CNTN5: variants seen among roughly 807,000 people sequenced by gnomAD.
The protein encoded by CNTN5 is contactin 5.
CNTN5 carries 77 observed loss-of-function variants against 129.1 expected under a neutral mutation model. The observed-to-expected ratio is 0.60, with a 90% CI of 0.50 to 0.72. The LOEUF (loss-of-function observed/expected upper bound fraction) is 0.72, where lower values mean the gene tolerates loss of function less well. Among genes scored for constraint, CNTN5 ranks in the 30% least tolerant of loss-of-function variants. The probability of loss-of-function intolerance (pLI) is 0.00; values close to 1 mark genes in which losing one functional copy is unlikely to be tolerated. For synonymous variants in CNTN5, 509 were observed against 465.6 expected (o/e 1.09, Z -1.20); for missense variants, 1,478 against 1,328.8 (o/e 1.11, Z -1.75).
chr11:99,388,448 C>T (rs191129613), intron 2 of CNTN5, among the ~76,000 whole-genome samples: 25 of 147,688 alleles, frequency 1.7e-4, no homozygotes, highest in Non-Finnish European at 3.1e-4. Context: ...TTCACAGCTC[C>T]TGTATTTCTC....
At chr11:99,720,409 C>CTAAAG (rs1453468891) in intron 3 of CNTN5, among the ~76,000 whole-genome samples, 3 of 151,580 alleles carry the variant, frequency 2.0e-5, no homozygotes, top group Non-Finnish European at 4.4e-5. Context: ...AGACAAAAAA[C>CTAAAG]ACATGATTAT....
At chr11:100,112,265 G>A (rs1945680194) in intron 13 of CNTN5, among the ~76,000 whole-genome samples, 2 of 152,100 alleles carry the variant, frequency 1.3e-5, no homozygotes, top group African/African-American at 4.8e-5. Flanking sequence ...GTAAAGAACA[G>A]AACTCCAGCT....
At chr11:99,235,043 AC>A (rs1210439244) in intron 1 of CNTN5, among the ~76,000 whole-genome samples, 7 of 62,098 alleles carry the variant, frequency 1.1e-4, no homozygotes, top group African/African-American at 7.1e-4. Context: ...AATGAAACCT[AC>A]CCTTTTTCTT....
intron 3 of CNTN5, among the ~76,000 whole-genome samples, chr11:99,753,264 A>C (rs1210658856): frequency 1.3e-5 from 2 of 151,276 alleles, no homozygotes; most frequent in East Asian, 3.9e-4. Flanking sequence ...CTGGGACTAC[A>C]GGTGCCCGCC....
intron 3 of CNTN5, among the ~76,000 whole-genome samples, chr11:99,670,766 C>T (rs1000061455): frequency 6.6e-6 from 1 of 152,120 alleles, no homozygotes; most frequent in African/African-American, 2.4e-5. Context: ...GGACATTCAC[C>T]ATAGGTTTGC....
intron 3 of CNTN5, among the ~76,000 whole-genome samples, chr11:99,740,283 T>C (rs535520987): frequency 6.6e-6 from 1 of 152,136 alleles, no homozygotes; most frequent in South Asian, 2.1e-4. Flanking sequence ...GTAAGAAAAA[T>C]TTGTACAATC....
chr11:99,956,608 G>A (rs1464141799), intron 7 of CNTN5, among the ~76,000 whole-genome samples, 198 bp from the exon 8 acceptor site: 3 of 152,226 alleles, frequency 2.0e-5, no homozygotes, highest in East Asian at 3.9e-4. Flanking sequence ...GTCAGACATC[G>A]TAAGAAATAT....
intron 9 of CNTN5, among the ~76,000 whole-genome samples, chr11:100,053,728 C>T (rs950886322): frequency 6.6e-6 from 1 of 151,472 alleles, no homozygotes; most frequent in African/African-American, 2.4e-5. Context: ...TTTTACTTAC[C>T]CCAAAGAATT....
At chr11:99,523,684 CAGAACAGAACAGAAT>C (rs1359362563) in intron 2 of CNTN5, among the ~76,000 whole-genome samples, 2 of 76,290 alleles carry the variant, frequency 2.6e-5, no homozygotes, top group Admixed American at 2.6e-4. Context: ...CAGAACAGAA[CAGAACAGAACAGAAT>C]AGAACAGAAT....
intron 2 of CNTN5, among the ~76,000 whole-genome samples, chr11:99,518,910 A>C (rs1419376152): frequency 6.6e-6 from 1 of 152,112 alleles, no homozygotes; most frequent in Non-Finnish European, 1.5e-5. Context: ...AACTAATTGT[A>C]TTAAATGCAT....
intron 1 of CNTN5, among the ~76,000 whole-genome samples, chr11:99,321,807 T>C (rs560379613): frequency 9.2e-5 from 14 of 152,124 alleles, no homozygotes; most frequent in Non-Finnish European, 7.4e-5. Context: ...TCTACAGAGG[T>C]AGTAGGTAGA....
chr11:99,230,589 A>G (rs7947162), intron 1 of CNTN5, among the ~76,000 whole-genome samples: 61,254 of 152,040 alleles, frequency 0.4, 12,831 homozygotes, highest in East Asian at 0.61. Context: ...GCAGATGAAT[A>G]ATTATAAACT....
At chr11:99,140,657 T>C (rs1363231611) in intron 1 of CNTN5, among the ~76,000 whole-genome samples, 2 of 152,042 alleles carry the variant, frequency 1.3e-5, no homozygotes, top group Non-Finnish European at 2.9e-5. Context: ...ATTATTTTGA[T>C]GTAGGTTCCT....
At chr11:99,713,287 T>G (rs1025890736) in intron 3 of CNTN5, among the ~76,000 whole-genome samples, 5 of 151,186 alleles carry the variant, frequency 3.3e-5, no homozygotes, top group African/African-American at 1.2e-4. Context: ...CTCTCTGTTT[T>G]TTGTTGTTGT....
intron 2 of CNTN5, among the ~76,000 whole-genome samples, chr11:99,531,482 G>A (rs991684658): frequency 6.6e-6 from 1 of 152,168 alleles, no homozygotes; most frequent in Non-Finnish European, 1.5e-5. Flanking sequence ...ATTTCCATAA[G>A]TAGCAAGGAG....
chr11:100,069,321 T>A (rs997789990), intron 10 of CNTN5, among the ~76,000 whole-genome samples: 1 of 147,956 alleles, frequency 6.8e-6, no homozygotes, highest in East Asian at 2.0e-4. Context: ...CCTGAATAAT[T>A]TTTTTTTTTT....
At chr11:99,065,319 G>C (rs1290171773) in intron 1 of CNTN5, among the ~76,000 whole-genome samples, 1 of 152,100 alleles carries the variant, frequency 6.6e-6, no homozygotes, top group African/African-American at 2.4e-5. Context: ...GCTGTGCAAA[G>C]TAAAATGGCA....
intron 1 of CNTN5, among the ~76,000 whole-genome samples, chr11:99,128,511 A>G (rs1208430400): frequency 6.6e-6 from 1 of 152,166 alleles, no homozygotes; most frequent in African/African-American, 2.4e-5. Context: ...AGCACGTGGC[A>G]GGAGGAGCGG....
intron 1 of CNTN5, among the ~76,000 whole-genome samples, chr11:99,154,941 C>G (rs537580184): frequency 1.3e-5 from 2 of 152,314 alleles, no homozygotes; most frequent in East Asian, 3.9e-4. Context: ...TGCTCCACTA[C>G]AGACGGTCCT....
Sources: allele counts gnomAD v4.1 joint callset (sites outside exome capture counted in the v4.1 genomes callset), GRCh38; gene constraint gnomAD v4.1.1; transcripts MANE v1.5; gene names NCBI Gene and HGNC (gene_info 2026-07-23, HGNC 2026-07-21).